Variants in FRMPD4 observed in about 807,000 individuals in gnomAD.
The protein encoded by FRMPD4 is FERM and PDZ domain containing 4.
FRMPD4 carries 22 observed loss-of-function variants against 94.1 expected under a neutral mutation model. The observed-to-expected ratio is 0.23, with a 90% CI of 0.17 to 0.33. The LOEUF (loss-of-function observed/expected upper bound fraction) is 0.33, where lower values mean the gene tolerates loss of function less well. Ranked by LOEUF, FRMPD4 falls within the 10% of genes least tolerant of loss-of-function variation. The pLI, the probability that FRMPD4 is intolerant of heterozygous loss-of-function variation, is 1.00. For missense variants in FRMPD4, 1,111 were observed against 1,339.9 expected (o/e 0.83, Z 2.67); for synonymous variants, 631 against 548.6 (o/e 1.15, Z -2.10).
At chrX:12,574,172 T>G (rs749865981) in intron 2 of FRMPD4, among the ~76,000 whole-genome samples, 6 of 111,312 alleles carry the variant, frequency 5.4e-5, no homozygotes, top group African/African-American at 2.0e-4. Context: ...AGCTAATTTT[T>G]GTATTGTTAG....
intron 9 of FRMPD4, among the ~76,000 whole-genome samples, chrX:12,698,438 A>T (rs919536558): frequency 1.8e-5 from 2 of 111,375 alleles, no homozygotes; most frequent in Admixed American, 1.9e-4. Context: ...CAAATACTAT[A>T]GTACTATTGG....
intron 2 of FRMPD4, among the ~76,000 whole-genome samples, chrX:12,536,050 A>G (rs2058335478): frequency 1.2e-5 from 1 of 85,230 alleles, no homozygotes; most frequent in Non-Finnish European, 2.3e-5. Context: ...GAGGAGCCTA[A>G]CAGAAAATAT....
chrX:12,345,103 T>A (rs1461955286), intron 1 of FRMPD4, among the ~76,000 whole-genome samples: 1 of 99,222 alleles, frequency 1.0e-5, no homozygotes, highest in East Asian at 2.9e-4. Flanking sequence ...AATGGATGGA[T>A]GGATGGATGA....
At chrX:12,609,314 A>G (rs7884737) in intron 2 of FRMPD4, among the ~76,000 whole-genome samples, 26,675 of 110,742 alleles carry the variant, frequency 0.24, 3,963 homozygotes, top group African/African-American at 0.55. Context: ...TCAAGAGCCA[A>G]CTGCATTCTA....
chrX:11,933,368 C>T (rs1415742711), intron 3 of FRMPD4, among the ~76,000 whole-genome samples: 1 of 112,295 alleles, frequency 8.9e-6, no homozygotes, highest in Admixed American at 9.5e-5. Context: ...CCAATTCCAC[C>T]GTCCACTGGC....
intron 4 of FRMPD4, among the ~76,000 whole-genome samples, chrX:12,624,418 A>G (rs1426198028): frequency 8.9e-6 from 1 of 112,179 alleles, no homozygotes; most frequent in African/African-American, 3.2e-5. Context: ...TTTGTATACA[A>G]TTGAAATTAG....
At chrX:11,967,706 C>T (rs1290832883) in intron 3 of FRMPD4, among the ~76,000 whole-genome samples, 1 of 104,683 alleles carries the variant, frequency 9.6e-6, no homozygotes, top group Non-Finnish European at 1.9e-5. Context: ...ACCGGGAATA[C>T]ACGGAGAAGA....
intron 1 of FRMPD4, among the ~76,000 whole-genome samples, chrX:11,843,421 A>G: frequency 9.0e-6 from 1 of 111,436 alleles, no homozygotes; most frequent in Non-Finnish European, 1.9e-5. Context: ...GTAACTCTAT[A>G]TGATATAAAT....
intron 3 of FRMPD4, among the ~76,000 whole-genome samples, chrX:12,023,845 A>T (rs1440402463): frequency 9.0e-6 from 1 of 111,654 alleles, no homozygotes; most frequent in African/African-American, 3.3e-5. Flanking sequence ...CATCTTCTTT[A>T]GGTTCCTGCC....
chrX:12,416,748 T>G (rs148121978), intron 1 of FRMPD4, among the ~76,000 whole-genome samples: 406 of 111,897 alleles, frequency 3.6e-3, no homozygotes, highest in African/African-American at 0.013. Context: ...AGGAAAAACA[T>G]TTTTGAAGGT....
intron 1 of FRMPD4, among the ~76,000 whole-genome samples, chrX:12,351,784 A>G (rs1368140790): frequency 1.8e-5 from 2 of 112,775 alleles, no homozygotes; most frequent in Non-Finnish European, 3.7e-5. Context: ...TCTTTCACGC[A>G]ACACTGTGTT....
At chrX:12,253,153 C>G (rs1414973958) in intron 1 of FRMPD4, among the ~76,000 whole-genome samples, 4 of 111,877 alleles carry the variant, frequency 3.6e-5, no homozygotes, top group East Asian at 2.8e-4. Flanking sequence ...GGGTTGTGCT[C>G]TAGATGAAGA....
intron 1 of FRMPD4, among the ~76,000 whole-genome samples, chrX:12,154,492 G>A (rs896423255): frequency 8.9e-6 from 1 of 112,268 alleles, no homozygotes; most frequent in Admixed American, 9.4e-5. Flanking sequence ...GAGGAGAGAC[G>A]AAATAGAAGG....
At chrX:12,306,023 A>C (rs4240146) in intron 1 of FRMPD4, among the ~76,000 whole-genome samples, 14,561 of 102,729 alleles carry the variant, frequency 0.14, 1,183 homozygotes, top group Admixed American at 0.39. Context: ...CTACATCTTC[A>C]CTTTATACTT....
At chrX:12,610,611 G>T (rs976314266) in intron 3 of FRMPD4, among the ~76,000 whole-genome samples, 30 of 111,553 alleles carry the variant, frequency 2.7e-4, no homozygotes, top group Admixed American at 2.5e-3. Context: ...AGCCAGGTGT[G>T]GTGGCGCTTG....
At chrX:12,329,403 G>A (rs1213690090) in intron 1 of FRMPD4, among the ~76,000 whole-genome samples, 1 of 111,329 alleles carries the variant, frequency 9.0e-6, no homozygotes, top group Non-Finnish European at 1.9e-5. Flanking sequence ...TTGGGGAAGA[G>A]GGATGCTAGT....
rs1372680334 is a variant in FRMPD4 at position 12,683,202 on chromosome X, C to T, written c.469-281C>T. Among the ~76,000 whole-genome samples, 5 of 112,049 alleles carry T rather than the reference C, an allele frequency of 4.5e-5. No individual in the cohort carries two copies. The East Asian group carries it at 1.4e-3, about 31-fold the overall frequency. On this transcript the variant is annotated intron_variant, in intron 5 of 16. Coordinates refer to ENST00000675598, the MANE Select transcript of FRMPD4 (RefSeq NM_001368397.1). ...CTCTATTAAAAGCAGAGTTTGTGTG[C>T]TTTTGCAGCCATTGTTTTAAAACAT...
intron 3 of FRMPD4, among the ~76,000 whole-genome samples, chrX:11,948,786 T>A (rs1411647944): frequency 8.9e-6 from 1 of 112,242 alleles, no homozygotes; most frequent in African/African-American, 3.2e-5. Context: ...GCAGCAATTG[T>A]TGAAAACCAA....
chrX:11,843,956 G>C (rs2053557238), intron 1 of FRMPD4, among the ~76,000 whole-genome samples: 2 of 106,656 alleles, frequency 1.9e-5, no homozygotes, highest in South Asian at 8.3e-4. Flanking sequence ...CTTTTGTAAG[G>C]CAGATCTGAT....
Sources: allele counts gnomAD v4.1 joint callset (sites outside exome capture counted in the v4.1 genomes callset), GRCh38; gene constraint gnomAD v4.1.1; transcripts MANE v1.5; gene names NCBI Gene and HGNC (gene_info 2026-07-23, HGNC 2026-07-21).